ZNF335: variants seen among roughly 807,000 people sequenced by gnomAD.
The protein encoded by ZNF335 is zinc finger protein 335.
In ZNF335, 84 loss-of-function variants were observed where a neutral mutation model predicts 145.6. The observed-to-expected ratio is 0.58, with a 90% CI of 0.48 to 0.69. The LOEUF is 0.69. Ranked by LOEUF, ZNF335 falls within the 30% of genes least tolerant of loss-of-function variation. The probability of loss-of-function intolerance (pLI) is 0.00; values close to 1 mark genes in which losing one functional copy is unlikely to be tolerated. For synonymous variants in ZNF335, 761 were observed against 717.0 expected, an observed-to-expected ratio of 1.06 and a Z score of -0.98; for missense variants, 1,865 against 1,809.7, an observed-to-expected ratio of 1.03 and a Z score of -0.55.
intron 1 of ZNF335, chr20:45,971,730 C>T (rs2084072353): frequency 1.0e-6 from 1 of 985,486 alleles, no homozygotes; most frequent in Non-Finnish European, 1.2e-6. Flanking sequence ...GTGGAGCGTT[C>T]CGCTCTGTGA....
In ZNF335 at chr20:45,949,339, C is replaced by T. The variant is rs1247865358; in HGVS notation, c.3813G>A (p.Glu1271=). The change falls in exon 26 of 28, where the codon GAG becomes GAA. Residue 1271 remains glutamate, a synonymous_variant. Transcript: ENST00000322927. ...QYEQGAPFLQ[E]SQIQYVPVSP... ...TGTCCCCCCACGGCCCTACCTGGGACTCCTGAAGGAACGGGGCTCCTTGTT... is the reference window on the plus strand; with the variant it reads ...TGTCCCCCCACGGCCCTACCTGGGATTCCTGAAGGAACGGGGCTCCTTGTT... 2 of 1,614,040 alleles carry T rather than the reference C, an allele frequency of 1.2e-6. No individual in the cohort carries two copies. Among genetic ancestry groups the T allele is most frequent in the African/African-American group, 2.7e-5 (2 of 74,930 alleles).
Position 45,949,195 on chromosome 20 carries a change from C to T in ZNF335, c.3876G>A (p.Glu1292=), listed in dbSNP as rs1389232081. ...GQQLVTQAQL[E]AAAHSAVTAV... ...CTGTGACAGCTGAGTGTGCTGCAGC[C>T]TCAAGTTGAGCCTGTGTGACAAGCT... is the stretch of plus-strand genomic sequence containing the variant. The change falls in exon 27 of 28, where the codon GAG becomes GAA. Residue 1292 remains glutamate, a synonymous_variant. Coordinates refer to ENST00000322927, the MANE Select transcript of ZNF335 (RefSeq NM_022095.4). 3 of 1,613,716 alleles carry T rather than the reference C, an allele frequency of 1.9e-6. No homozygotes were observed. In the African/African-American group the frequency reaches 4.0e-5, roughly 22 times the overall value.
Position 45,965,710 on chromosome 20 carries a change from G to C in ZNF335, c.1020C>G (p.Pro340=), listed in dbSNP as rs1393623009. ...PRGRQLRLQR[P]TPSTPRPRRR... ...TTCGGGGCCTTGGGGTACTGGGGGT[G>C]GGGCGCTGGAGCCGAAGCTGCCGGC... The change falls in exon 7 of 28, where the codon CCC becomes CCG. Residue 340 remains proline, a synonymous_variant. Transcript: ENST00000322927. The C allele has an allele frequency of 6.2e-7, 1 of 1,605,524 alleles. No individual in the cohort carries two copies. The highest frequency in any genetic ancestry group is 1.7e-5 in the Admixed American group (1 of 59,394).
At chr20:45,960,051 A>G (rs531665781) in intron 14 of ZNF335, among the ~76,000 whole-genome samples, 157 bp downstream of exon 14, 1 of 152,346 alleles carries the variant, frequency 6.6e-6, no homozygotes, top group Admixed American at 6.5e-5. Flanking sequence ...GTTAGGGTGA[A>G]TACGCCTATG....
In ZNF335 at chr20:45,959,220, C is replaced by T. The variant is rs748857294; in HGVS notation, c.2234G>A (p.Ser745Asn). Residue 745 changes from serine (S) to asparagine (N), a missense_variant, in exon 15 of 28, where the codon AGT becomes AAT. Coordinates refer to ENST00000322927, the MANE Select transcript of ZNF335 (RefSeq NM_022095.4). Reference protein sequence around the residue: ...QHSAAPGPPPSSPGPPEIPPE... With the variant: ...QHSAAPGPPPNSPGPPEIPPE... ...CCTTACCTCAGGAGGTCCTGGGGAA[C>T]TGGGAGGTGGTCCAGGGGCCGCACT... 5 of 1,379,836 alleles carry T rather than the reference C, an allele frequency of 3.6e-6. No individual in the cohort carries two copies. In the South Asian group the frequency reaches 9.1e-5, roughly 25 times the overall value. 85.5% of individuals were successfully genotyped at this position (1,379,836 alleles called of 1,614,324 possible). A position where few individuals can be genotyped will look rare whatever the true frequency, so the allele number is the denominator to read the frequency against.
intron 9 of ZNF335, among the ~76,000 whole-genome samples, chr20:45,962,807 T>G (rs2083869989): frequency 1.9e-5 from 2 of 103,438 alleles, no homozygotes; most frequent in East Asian, 2.5e-4. Flanking sequence ...AACCGTTTTT[T>G]TTTTTTTGTT....
chr20:45,960,702 C>T lies in ZNF335; in HGVS notation c.1696G>A (p.Val566Met), dbSNP rs372834668. Residue 566 changes from valine (V) to methionine (M), a missense_variant, in exon 12 of 28, where the codon GTG (valine) becomes ATG (methionine). By Grantham distance (21) the Val-to-Met change is conservative. Coordinates refer to ENST00000322927, the MANE Select transcript of ZNF335 (RefSeq NM_022095.4). ...TPKLSSFPCP[V>M]CGRVYPMQKR... ...TGCATGGGGTACACACGGCCACACA[C>T]AGGGCAGGGGAAAGAGCTCAGCTTT... The T allele has an allele frequency of 3.7e-5, 60 of 1,614,114 alleles. No homozygotes were observed. The Middle Eastern group carries it at 4.9e-4, about 13-fold the overall frequency.
At chr20:45,951,762 G>C (rs1251682993) in intron 20 of ZNF335, among the ~76,000 whole-genome samples, 1 of 152,176 alleles carries the variant, frequency 6.6e-6, no homozygotes, top group Non-Finnish European at 1.5e-5. Flanking sequence ...CCCAGGGGTT[G>C]GGCACCCCTG....
intron 10 of ZNF335, 109 bp from the exon 11 acceptor site, chr20:45,960,991 C>A: frequency 1.4e-6 from 2 of 1,459,344 alleles, no homozygotes; most frequent in African/African-American, 1.4e-5. Context: ...CCTGCCAAGG[C>A]CCCTTTCTCT....
At position 45,967,873 on chromosome 20, in the gene ZNF335, G is replaced by A. The variant is rs142168624; in HGVS notation, c.675C>T (p.Ala225=). The A allele has an allele frequency of 1.7e-5, 28 of 1,612,774 alleles. No individual in the cohort carries two copies. The highest frequency in any genetic ancestry group is 7.7e-5 in the South Asian group (7 of 91,062). Residue 225 remains alanine, a synonymous_variant, in exon 5 of 28, where the codon GCC becomes GCT. Coordinates refer to ENST00000322927, the MANE Select transcript of ZNF335 (RefSeq NM_022095.4). ...SPVQLPPASG[A]EEPDLQSLEA... Reference sequence around the variant, plus strand: ...CCAGGCTCTGCAGGTCCGGCTCTTCGGCACCGGAGGCTGGGGGCAGCTGCA... The same window carrying A: ...CCAGGCTCTGCAGGTCCGGCTCTTCAGCACCGGAGGCTGGGGGCAGCTGCA...
In ZNF335 at chr20:45,952,209, C is replaced by T; in HGVS notation, c.3127G>A (p.Gly1043Arg). The change falls in exon 20 of 28, where the codon GGG becomes AGG. Residue 1043 changes from glycine to arginine, a missense_variant. Coordinates refer to ENST00000322927, the MANE Select transcript of ZNF335 (RefSeq NM_022095.4). ...TCGGGGCACTTGAAGGCACCAGGCCCAGCGTGGGCCCGCTTGTGACTCTCC... is the reference window on the plus strand; with the variant it reads ...TCGGGGCACTTGAAGGCACCAGGCCTAGCGTGGGCCCGCTTGTGACTCTCC... ...EMESHKRAHA[G>R]PGAFKCPDCP... is the part of the protein sequence containing the mutation. 1 of 1,612,916 alleles carries T rather than the reference C, an allele frequency of 6.2e-7. No homozygotes were observed. Among genetic ancestry groups the T allele is most frequent in the Non-Finnish European group, 8.5e-7 (1 of 1,179,888 alleles).
At chr20:45,965,856 C>A in intron 6 of ZNF335, 82 bp from the exon 7 acceptor site, 1 of 1,473,866 alleles carries the variant, frequency 6.8e-7, no homozygotes, top group South Asian at 1.3e-5. Flanking sequence ...GCTCACTTCC[C>A]TACCCCTGCA....
At chr20:45,964,034 A>C (rs1173315634) in intron 7 of ZNF335, 44 bp from the exon 8 acceptor site, 3 of 1,507,918 alleles carry the variant, frequency 2.0e-6, no homozygotes, top group East Asian at 4.6e-5. Context: ...CTGACACACC[A>C]GGACAGACGT....
At position 45,950,285 on chromosome 20, in the gene ZNF335, G is replaced by T. The variant is rs1197380139; in HGVS notation, c.3421C>A (p.Pro1141Thr). 6.4e-7 allele frequency: 1 copy of T among 1,558,362 alleles called. No homozygotes were observed. Among genetic ancestry groups the T allele is most frequent in the East Asian group, 2.3e-5 (1 of 44,416 alleles). ...ATGGTCTGGGTTGGGGTCTGGGTAGGGGCCCGGGCTGTAGGGGTTCCTGAC... is the reference window on the plus strand; with the variant it reads ...ATGGTCTGGGTTGGGGTCTGGGTAGTGGCCCGGGCTGTAGGGGTTCCTGAC... ...RKSGTPTARA[P>T]TQTPTQTIIL... The change falls in exon 22 of 28, where the codon CCT becomes ACT. Residue 1141 changes from proline (P) to threonine (T), a missense_variant. Coordinates refer to ENST00000322927, the MANE Select transcript of ZNF335 (RefSeq NM_022095.4).
rs1053169701 is a variant in ZNF335 at position 45,949,059 on chromosome 20, G to A, written c.3923C>T (p.Ala1308Val). 2 of 1,613,658 alleles carry A rather than the reference G, an allele frequency of 1.2e-6. No homozygotes were observed. Among genetic ancestry groups the A allele is most frequent in the Non-Finnish European group, 1.7e-6 (2 of 1,180,016 alleles). Residue 1308 changes from alanine to valine, a missense_variant, in exon 28 of 28, where the codon GCC becomes GTC. By Grantham distance (64) the Ala-to-Val change is moderately conservative. Coordinates refer to ENST00000322927, the MANE Select transcript of ZNF335 (RefSeq NM_022095.4). ...TGTACCAAACAGGCCCTGGGCTTGGGCCATGGCAGCATCAGCCACTGCTGC... is the reference window on the plus strand; with the variant it reads ...TGTACCAAACAGGCCCTGGGCTTGGACCATGGCAGCATCAGCCACTGCTGC... ...AVTAVADAAMAQAQGLFGTDE... is the reference protein window; with the variant it reads ...AVTAVADAAMVQAQGLFGTDE...
At chr20:45,954,603 A>G (rs1568810662) in intron 17 of ZNF335, among the ~76,000 whole-genome samples, 1 of 152,038 alleles carries the variant, frequency 6.6e-6, no homozygotes, top group African/African-American at 2.4e-5. Context: ...ATATTTCACA[A>G]CTCATAAAAA....
rs2083659539 is a variant in ZNF335 at position 45,952,783 on chromosome 20, A to T, written c.2703-74T>A. On this transcript the variant is annotated intron_variant, in intron 18 of 27. Coordinates refer to ENST00000322927, the MANE Select transcript of ZNF335 (RefSeq NM_022095.4). The stretch of plus-strand genomic sequence containing the variant: ...CCCCTTCCCCAAGCAACAGGCATCA[A>T]CTGAGGAGTGACTGTCACCACAGAT... The T allele has an allele frequency of 3.6e-6, 5 of 1,371,416 alleles. 1 individual carries two copies. The South Asian group carries it at 3.7e-5, about 10-fold the overall frequency. 85.0% of individuals were successfully genotyped at this position (1,371,416 alleles called of 1,614,324 possible). A position where few individuals can be genotyped will look rare whatever the true frequency, so the allele number is the denominator to read the frequency against.
At chr20:45,971,494 G>C (rs746542410) in intron 1 of ZNF335, 34 bp from the exon 2 acceptor site, 1 of 1,553,228 alleles carries the variant, frequency 6.4e-7, no homozygotes, top group Admixed American at 1.8e-5. Context: ...TGGAACAAGT[G>C]GGCCATCTCC....
chr20:45,965,630 T>C lies in ZNF335; in HGVS notation c.1100A>G (p.Asp367Gly). The C allele has an allele frequency of 6.3e-7, 1 of 1,595,300 alleles. No homozygotes were observed. Among genetic ancestry groups the C allele is most frequent in the Non-Finnish European group, 8.5e-7 (1 of 1,172,456 alleles). ...LPRLEISDLP[D>G]GVEGEPLVSS... ...CCCCTCCCAAGACCAAGCCTCACCA[T>C]CTGGGAGGTCTGAGATCTCCAGGCG... is the stretch of plus-strand genomic sequence containing the variant. Residue 367 changes from aspartate (D) to glycine (G), a missense_variant and splice_region_variant, in exon 7 of 28, where the codon GAT becomes GGT. Transcript: ENST00000322927.
Sources: gnomAD v4.1 joint callset for allele counts (sites outside exome capture counted in the v4.1 genomes callset) on GRCh38, gnomAD v4.1.1 for gene constraint, MANE v1.5 for transcripts, NCBI Gene and HGNC (gene_info 2026-07-23, HGNC 2026-07-21) for gene names.